Variants in SPAG16 observed in about 807,000 individuals in gnomAD.
SPAG16 encodes sperm-associated antigen 16 protein.
Under a neutral mutation model 80.4 loss-of-function variants are expected in SPAG16, and 86 were observed. The observed-to-expected ratio is 1.07, with a 90% confidence interval of 0.90 to 1.28. The LOEUF is 1.28. Among genes scored for constraint, SPAG16 ranks in the 50% most tolerant of loss-of-function variants. SPAG16 has a pLI of 0.00. For synonymous variants in SPAG16, 294 were observed against 265.9 expected, an observed-to-expected ratio of 1.11 and a Z score of -1.03; for missense variants, 870 against 765.3, an observed-to-expected ratio of 1.14 and a Z score of -1.61.
At chr2:213,369,079 G>T (rs2066489556) in intron 8 of SPAG16, among the ~76,000 whole-genome samples, 1 of 152,122 alleles carries the variant, frequency 6.6e-6, no homozygotes, top group East Asian at 1.9e-4. Flanking sequence ...TATTTTTAAA[G>T]TGTGGAAACA....
chr2:214,214,185 C>CTTTTTT (rs71399124), intron 15 of SPAG16, among the ~76,000 whole-genome samples: 15 of 140,062 alleles, frequency 1.1e-4, no homozygotes, highest in East Asian at 4.2e-4. Flanking sequence ...TTCCTTTTTA[C>CTTTTTT]TTTTTTTTTT....
chr2:213,674,399 A>G (rs188428199), intron 10 of SPAG16, among the ~76,000 whole-genome samples: 79 of 148,340 alleles, frequency 5.3e-4, no homozygotes, highest in Admixed American at 9.3e-4. Flanking sequence ...TTTTATTATT[A>G]TACTTTTAAG....
chr2:213,805,801 T>G (rs1249483863), intron 10 of SPAG16, among the ~76,000 whole-genome samples: 5 of 152,200 alleles, frequency 3.3e-5, no homozygotes, highest in Admixed American at 6.5e-5. Flanking sequence ...CAAATAAACT[T>G]GCTCAGAGTT....
chr2:213,710,504 A>G (rs544560745), intron 10 of SPAG16, among the ~76,000 whole-genome samples: 1 of 152,336 alleles, frequency 6.6e-6, no homozygotes, highest in East Asian at 1.9e-4. Flanking sequence ...GTTCATATTC[A>G]AAAACATATA....
At chr2:213,468,495 T>TTATATATAGATATATATATCTATG (rs2072860656) in intron 9 of SPAG16, among the ~76,000 whole-genome samples, 1 of 110,564 alleles carries the variant, frequency 9.0e-6, no homozygotes, top group African/African-American at 3.8e-5. Flanking sequence ...ATATATGTAT[T>TTATATATAGATATATATATCTATG]TATATATAGA....
intron 10 of SPAG16, among the ~76,000 whole-genome samples, chr2:213,837,573 A>G (rs2074152957): frequency 6.6e-6 from 1 of 152,218 alleles, no homozygotes; most frequent in Non-Finnish European, 1.5e-5. Flanking sequence ...TTTTCATAGC[A>G]GTTTAAATTA....
intron 15 of SPAG16, among the ~76,000 whole-genome samples, chr2:214,264,797 A>T (rs1691434050): frequency 6.6e-6 from 1 of 151,992 alleles, no homozygotes; most frequent in Non-Finnish European, 1.5e-5. Flanking sequence ...CCTTCCTCCT[A>T]AACTCTTGGC....
chr2:214,148,373 A>C (rs2055767151), intron 14 of SPAG16, among the ~76,000 whole-genome samples: 1 of 152,130 alleles, frequency 6.6e-6, no homozygotes, highest in African/African-American at 2.4e-5. Flanking sequence ...CTATGCTGCA[A>C]AACTATCTCT....
At position 214,108,189 on chromosome 2, in the gene SPAG16, T is replaced by G; in HGVS notation, c.1528-7T>G. 1.3e-6 allele frequency: 2 copies of G among 1,540,816 alleles called. No homozygotes were observed. The highest frequency in any genetic ancestry group is 1.8e-5 in the Admixed American group (1 of 54,814). ...TATTTGACTCTGTTTCTGCTTTGTCTTCCTAGGGTATATGTGAGCAGTCAC... is the reference window on the plus strand; with the variant it reads ...TATTTGACTCTGTTTCTGCTTTGTCGTCCTAGGGTATATGTGAGCAGTCAC... On this transcript the variant is annotated splice_region_variant and splice_polypyrimidine_tract_variant and intron_variant, in intron 13 of 15. Transcript: ENST00000331683.
At chr2:213,764,306 A>G (rs1366276244) in intron 10 of SPAG16, among the ~76,000 whole-genome samples, 1 of 148,862 alleles carries the variant, frequency 6.7e-6, no homozygotes, top group African/African-American at 2.5e-5. Flanking sequence ...TTCTTTTTTC[A>G]TTTGTTTTGT....
chr2:213,792,920 C>T (rs1170696808), intron 10 of SPAG16, among the ~76,000 whole-genome samples: 1 of 150,992 alleles, frequency 6.6e-6, no homozygotes, highest in Admixed American at 6.6e-5. Flanking sequence ...GTAATTTTTC[C>T]TTCTTTAGTA....
At chr2:213,297,048 C>A in intron 2 of SPAG16, 1 of 1,383,464 alleles carries the variant, frequency 7.2e-7, no homozygotes, top group Non-Finnish European at 9.5e-7. Flanking sequence ...ACAAACTAAT[C>A]CTGAATTTAT....
chr2:213,991,556 T>A (rs925302665), intron 12 of SPAG16, among the ~76,000 whole-genome samples: 2 of 152,144 alleles, frequency 1.3e-5, no homozygotes, highest in Non-Finnish European at 2.9e-5. Context: ...ATGTTTTCCA[T>A]TCCCTGGTGC....
Position 213,713,011 on chromosome 2 carries a change from A to AG in SPAG16, c.1071-149472dup, listed in dbSNP as rs144818118. Among the ~76,000 whole-genome samples the AG allele has an allele frequency of 7.2e-3, 1,101 of 152,250 alleles. 16 individuals are homozygous for AG. The highest frequency in any genetic ancestry group is 0.024 in the African/African-American group (1,000 of 41,538). ...TCAGGAGGCCTGCAATCATGGCAGA[A>AG]GGCATCTCTTCACAGGGCGGCAGGA... is the stretch of plus-strand genomic sequence containing the variant. On this transcript the variant is annotated intron_variant, in intron 10 of 15. Transcript: ENST00000331683.
chr2:213,649,938 G>A (rs2062963201), intron 10 of SPAG16, among the ~76,000 whole-genome samples: 1 of 152,004 alleles, frequency 6.6e-6, no homozygotes, highest in Non-Finnish European at 1.5e-5. Flanking sequence ...TAGCATCAGG[G>A]TGTATTCTAA....
chr2:213,731,456 A>G (rs2067036756), intron 10 of SPAG16, among the ~76,000 whole-genome samples: 1 of 82,762 alleles, frequency 1.2e-5, no homozygotes, highest in African/African-American at 3.5e-5. Context: ...CACCATGTCC[A>G]GCTGTTTTTT....
chr2:214,192,842 C>A (rs767735510), intron 15 of SPAG16, among the ~76,000 whole-genome samples: 12 of 152,188 alleles, frequency 7.9e-5, no homozygotes, highest in East Asian at 1.9e-4. Flanking sequence ...AATGAGACTG[C>A]AATAAGCTTC....
In SPAG16 at chr2:214,369,561, C is replaced by CT. The variant is rs201183764; in HGVS notation, c.1721-40574dup. Among the ~76,000 whole-genome samples, 670 of 152,158 alleles carry CT rather than the reference C, an allele frequency of 4.4e-3. 4 individuals carry two copies. Among genetic ancestry groups the CT allele is most frequent in the African/African-American group, 0.015 (639 of 41,534 alleles). ...TGTATCTCAATATTCTTCCTCGGCT[C>CT]TTTTTCTCATTCTCTACAATAATTT... On this transcript the variant is annotated intron_variant, in intron 15 of 15. Transcript: ENST00000331683.
At chr2:213,638,088 G>T (rs2062439343) in intron 10 of SPAG16, among the ~76,000 whole-genome samples, 1 of 152,074 alleles carries the variant, frequency 6.6e-6, no homozygotes, top group Admixed American at 6.6e-5. Flanking sequence ...ATTGGTTATA[G>T]TATCTCCCAT....
Sources: gnomAD v4.1 joint callset for allele counts (sites outside exome capture counted in the v4.1 genomes callset) on GRCh38, gnomAD v4.1.1 for gene constraint, MANE v1.5 for transcripts, NCBI Gene and HGNC (gene_info 2026-07-23, HGNC 2026-07-21) for gene names.